SLC25A13: variants seen among roughly 807,000 people sequenced by gnomAD.
SLC25A13 encodes solute carrier family 25 member 13, also known as electrogenic aspartate/glutamate antiporter SLC25A13, mitochondrial.
SLC25A13 carries 70 observed loss-of-function variants against 85.5 expected under a neutral mutation model. The observed-to-expected ratio is 0.82, with a 90% CI of 0.68 to 1.00. The LOEUF (loss-of-function observed/expected upper bound fraction) is 1.00. Ranked by LOEUF, SLC25A13 falls within the 50% of genes least tolerant of loss-of-function variation. The probability of loss-of-function intolerance (pLI) is 0.00; values close to 1 mark genes in which losing one functional copy is unlikely to be tolerated. For synonymous variants in SLC25A13, 259 were observed against 288.7 expected, an observed-to-expected ratio of 0.90 and a Z score of 1.04; for missense variants, 765 against 819.8, an observed-to-expected ratio of 0.93 and a Z score of 0.82.
At chr7:96,141,729 T>TA (rs1792573513) in intron 14 of SLC25A13, among the ~76,000 whole-genome samples, 1 of 152,186 alleles carries the variant, frequency 6.6e-6, no homozygotes, top group African/African-American at 2.4e-5. Flanking sequence ...TGTGAGCACG[T>TA]AAAAATACAA....
At chr7:96,171,597 G>A (rs931225389) in intron 11 of SLC25A13, 73 bp from the exon 12 acceptor site, 2 of 1,323,940 alleles carry the variant, frequency 1.5e-6, no homozygotes, top group Admixed American at 1.8e-5. Flanking sequence ...GTTCTACAGA[G>A]GGGATTACCA....
At chr7:96,274,262 T>C (rs916074055) in intron 3 of SLC25A13, among the ~76,000 whole-genome samples, 7 of 152,190 alleles carry the variant, frequency 4.6e-5, no homozygotes, top group African/African-American at 1.7e-4. Flanking sequence ...TGGCCAGTGA[T>C]GATGAGTATT....
intron 10 of SLC25A13, 76 bp from the exon 11 acceptor site, chr7:96,184,511 G>T: frequency 7.2e-7 from 1 of 1,387,352 alleles, no homozygotes; most frequent in Non-Finnish European, 1.0e-6. Context: ...TTAAAGTCAA[G>T]GACAAGACTG....
intron 3 of SLC25A13, among the ~76,000 whole-genome samples, chr7:96,268,021 T>A (rs1798101532): frequency 3.3e-5 from 5 of 152,054 alleles, no homozygotes. Context: ...TGTGGTAAAT[T>A]CCTTTGTGAC....
intron 1 of SLC25A13, among the ~76,000 whole-genome samples, chr7:96,305,152 G>A (rs570696787): frequency 2.0e-5 from 3 of 152,096 alleles, no homozygotes; most frequent in Non-Finnish European, 4.4e-5. Context: ...AAATAAAGAA[G>A]CTGAGGTACT....
intron 1 of SLC25A13, among the ~76,000 whole-genome samples, chr7:96,311,478 G>C (rs1323073815): frequency 1.3e-5 from 2 of 152,090 alleles, no homozygotes; most frequent in African/African-American, 4.8e-5. Context: ...CCAAATTGTG[G>C]GAAATTACAG....
chr7:96,270,262 A>G (rs1562891521), intron 3 of SLC25A13, among the ~76,000 whole-genome samples: 1 of 152,200 alleles, frequency 6.6e-6, no homozygotes, highest in African/African-American at 2.4e-5. Context: ...ATTAGAAAAT[A>G]TAAATAGCTG....
chr7:96,255,086 C>T (rs1797581303), intron 3 of SLC25A13, among the ~76,000 whole-genome samples: 1 of 152,126 alleles, frequency 6.6e-6, no homozygotes, highest in African/African-American at 2.4e-5. Flanking sequence ...TTTCCAATAA[C>T]TTTAGAATAC....
intron 3 of SLC25A13, among the ~76,000 whole-genome samples, chr7:96,237,202 G>T (rs1796776832): frequency 6.6e-6 from 1 of 152,180 alleles, no homozygotes; most frequent in African/African-American, 2.4e-5. Context: ...TTACTCAGTT[G>T]CCTGGCAATA....
chr7:96,189,448 A>C, intron 8 of SLC25A13, 70 bp from the exon 9 acceptor site: 3 of 1,566,230 alleles, frequency 1.9e-6, no homozygotes, highest in Non-Finnish European at 2.6e-6. Flanking sequence ...AAAATTTAAA[A>C]ACATCCCTTT....
At chr7:96,260,202 A>G (rs2116892336) in intron 3 of SLC25A13, among the ~76,000 whole-genome samples, 1 of 152,198 alleles carries the variant, frequency 6.6e-6, no homozygotes, top group South Asian at 2.1e-4. Context: ...TTAAAATATA[A>G]TAATAATTAA....
intron 1 of SLC25A13, among the ~76,000 whole-genome samples, chr7:96,299,204 T>C (rs555625181): frequency 2.0e-5 from 3 of 152,330 alleles, no homozygotes; most frequent in African/African-American, 7.2e-5. Flanking sequence ...TCAATTTTCA[T>C]AGCACATTTC....
intron 2 of SLC25A13, among the ~76,000 whole-genome samples, chr7:96,288,311 G>A (rs532225753): frequency 5.3e-5 from 8 of 152,312 alleles, no homozygotes; most frequent in Non-Finnish European, 1.2e-4. Context: ...GGCCGAATAG[G>A]AACAGCTCCA....
At chr7:96,279,567 C>T (rs1457835276) in intron 2 of SLC25A13, among the ~76,000 whole-genome samples, 8 of 152,108 alleles carry the variant, frequency 5.3e-5, no homozygotes, top group East Asian at 1.9e-4. Context: ...TTCACTACTA[C>T]GAGAACAGTA....
At chr7:96,249,036 T>C (rs766157267) in intron 3 of SLC25A13, among the ~76,000 whole-genome samples, 2 of 152,182 alleles carry the variant, frequency 1.3e-5, no homozygotes, top group Non-Finnish European at 2.9e-5. Flanking sequence ...CTGGGCACAA[T>C]TGCACGTGCC....
At chr7:96,217,488 C>T (rs1447666530) in intron 4 of SLC25A13, among the ~76,000 whole-genome samples, 1 of 152,164 alleles carries the variant, frequency 6.6e-6, no homozygotes, top group Non-Finnish European at 1.5e-5. Flanking sequence ...AGCTCTTATG[C>T]CTGTTAACTG....
intron 1 of SLC25A13, among the ~76,000 whole-genome samples, chr7:96,315,174 G>A (rs1800085706): frequency 6.6e-6 from 1 of 152,218 alleles, no homozygotes; most frequent in African/African-American, 2.4e-5. Context: ...TGTCAAGAAA[G>A]AAGAGAAATT....
At chr7:96,286,873 G>A (rs1378158959) in intron 2 of SLC25A13, among the ~76,000 whole-genome samples, 1 of 152,178 alleles carries the variant, frequency 6.6e-6, no homozygotes, top group Non-Finnish European at 1.5e-5. Flanking sequence ...CTGATCTACA[G>A]AGCTGCCAAC....
At chr7:96,125,754 T>C (rs1253614515) in intron 15 of SLC25A13, among the ~76,000 whole-genome samples, 2 of 126,174 alleles carry the variant, frequency 1.6e-5, no homozygotes, top group Admixed American at 7.4e-5. Flanking sequence ...TCTAGAGGGG[T>C]TTTTTTTTTT....
Sources: allele counts gnomAD v4.1 joint callset (sites outside exome capture counted in the v4.1 genomes callset), GRCh38; gene constraint gnomAD v4.1.1; transcripts MANE v1.5; gene names NCBI Gene and HGNC (gene_info 2026-07-23, HGNC 2026-07-21).